The following CHSY3 variants were observed in gnomAD, a reference collection of about 807,000 sequenced individuals.
CHSY3 encodes chondroitin sulfate synthase 3.
Under a neutral mutation model 67.2 loss-of-function variants are expected in CHSY3, and 35 were observed. The observed-to-expected ratio is 0.52, with a 90% CI of 0.40 to 0.69. CHSY3 has a LOEUF of 0.69. Ranked by LOEUF, CHSY3 falls within the 30% of genes least tolerant of loss-of-function variation. The probability of loss-of-function intolerance (pLI) is 0.00; values close to 1 mark genes in which losing one functional copy is unlikely to be tolerated. For missense variants in CHSY3, 1,069 were observed against 1,138.5 expected, an observed-to-expected ratio of 0.94 and a Z score of 0.88; for synonymous variants, 474 against 434.7, an observed-to-expected ratio of 1.09 and a Z score of -1.12.
chr5:130,106,072 C>A (rs571849902), intron 2 of CHSY3, among the ~76,000 whole-genome samples: 4 of 151,624 alleles, frequency 2.6e-5, no homozygotes, highest in Admixed American at 6.6e-5. Context: ...CCTCCCCAAG[C>A]ACACAAGTTC....
intron 2 of CHSY3, among the ~76,000 whole-genome samples, chr5:130,106,046 C>G (rs1272663160): frequency 6.6e-6 from 1 of 151,450 alleles, no homozygotes; most frequent in Non-Finnish European, 1.5e-5. Context: ...ATATTTTACT[C>G]TAATATCTTA....
intron 2 of CHSY3, among the ~76,000 whole-genome samples, chr5:130,091,142 G>GCACA (rs751457425): frequency 2.1e-5 from 2 of 94,484 alleles, no homozygotes; most frequent in African/African-American, 4.6e-5. Flanking sequence ...ACACGCACAC[G>GCACA]CGCGCACACA....
At chr5:130,154,788 A>G (rs947608047) in intron 2 of CHSY3, among the ~76,000 whole-genome samples, 6 of 152,098 alleles carry the variant, frequency 3.9e-5, no homozygotes, top group Non-Finnish European at 7.3e-5. Flanking sequence ...TATTGTTAGG[A>G]GTGTGAGATA....
chr5:130,053,554 C>T (rs1376043944), intron 2 of CHSY3, among the ~76,000 whole-genome samples: 1 of 152,054 alleles, frequency 6.6e-6, no homozygotes, highest in African/African-American at 2.4e-5. Flanking sequence ...AATTGGGAGG[C>T]CAAGCTTATG....
chr5:130,043,909 C>T (rs913250966), intron 2 of CHSY3, among the ~76,000 whole-genome samples: 2 of 152,066 alleles, frequency 1.3e-5, no homozygotes, highest in African/African-American at 4.8e-5. Context: ...AACACCATTT[C>T]ACCATGCAAG....
intron 2 of CHSY3, among the ~76,000 whole-genome samples, chr5:129,962,518 C>G (rs540019839): frequency 5.3e-5 from 8 of 152,060 alleles, no homozygotes; most frequent in Non-Finnish European, 8.8e-5. Context: ...TAAATATGAC[C>G]TGTCACTGCC....
At chr5:130,071,340 A>T (rs938252689) in intron 2 of CHSY3, among the ~76,000 whole-genome samples, 5 of 152,122 alleles carry the variant, frequency 3.3e-5, no homozygotes, top group African/African-American at 1.2e-4. Context: ...TGAAGGTTTC[A>T]CATGCAAAAT....
At chr5:130,034,811 C>T (rs1181926478) in intron 2 of CHSY3, among the ~76,000 whole-genome samples, 1 of 151,970 alleles carries the variant, frequency 6.6e-6, no homozygotes, top group African/African-American at 2.4e-5. Context: ...TGAATAAAAA[C>T]CCAGTGGAGG....
chr5:130,014,210 T>C (rs548502226), intron 2 of CHSY3, among the ~76,000 whole-genome samples: 7 of 152,318 alleles, frequency 4.6e-5, no homozygotes, highest in Non-Finnish European at 8.8e-5. Flanking sequence ...TTTTTCTGTC[T>C]TCTTCTGAGC....
chr5:130,055,404 AATAAC>A (rs200389416), intron 2 of CHSY3, among the ~76,000 whole-genome samples: 8,474 of 152,178 alleles, frequency 0.056, 357 homozygotes, highest in Non-Finnish European at 0.082. Flanking sequence ...TACATCCATT[AATAAC>A]TAGTGTATAG....
intron 2 of CHSY3, among the ~76,000 whole-genome samples, chr5:130,084,560 A>G (rs1580717187): frequency 6.6e-6 from 1 of 151,952 alleles, no homozygotes; most frequent in Admixed American, 6.6e-5. Flanking sequence ...TTAGGGAGAC[A>G]TAAGACATCA....
chr5:129,978,969 C>T (rs143495393), intron 2 of CHSY3, among the ~76,000 whole-genome samples: 3,571 of 151,640 alleles, frequency 0.024, 129 homozygotes, highest in African/African-American at 0.079. Context: ...GAGGCCGAGG[C>T]GGGCAGATCA....
chr5:130,036,750 G>T (rs1764873248), intron 2 of CHSY3, among the ~76,000 whole-genome samples: 1 of 152,090 alleles, frequency 6.6e-6, no homozygotes, highest in Non-Finnish European at 1.5e-5. Context: ...AGTAAATGTG[G>T]TTTTACTTTG....
intron 2 of CHSY3, among the ~76,000 whole-genome samples, chr5:130,150,583 A>G (rs548412968): frequency 4.3e-4 from 66 of 152,266 alleles, no homozygotes; most frequent in Admixed American, 9.8e-4. Context: ...TACTATTGAT[A>G]AAAATTTTAT....
intron 2 of CHSY3, among the ~76,000 whole-genome samples, chr5:130,169,113 A>T (rs1471941171): frequency 6.6e-6 from 1 of 152,094 alleles, no homozygotes; most frequent in Non-Finnish European, 1.5e-5. Flanking sequence ...CATCTTTCTC[A>T]TGGTTTCCAT....
At chr5:130,047,709 A>G (rs553911264) in intron 2 of CHSY3, among the ~76,000 whole-genome samples, 2 of 152,230 alleles carry the variant, frequency 1.3e-5, no homozygotes, top group South Asian at 2.1e-4. Flanking sequence ...CAAGAATAAT[A>G]TCTAATTCCA....
intron 2 of CHSY3, among the ~76,000 whole-genome samples, chr5:130,009,544 C>T (rs1763986234): frequency 6.6e-6 from 1 of 151,812 alleles, no homozygotes; most frequent in African/African-American, 2.4e-5. Context: ...TAAAACCACT[C>T]ATTTAATTAC....
chr5:130,164,286 G>A (rs1006911437), intron 2 of CHSY3, among the ~76,000 whole-genome samples: 3 of 152,096 alleles, frequency 2.0e-5, no homozygotes, highest in African/African-American at 7.2e-5. Flanking sequence ...AAGAGGGGAA[G>A]AAACAACAGG....
chr5:130,048,826 T>C (rs913569534), intron 2 of CHSY3, among the ~76,000 whole-genome samples: 5 of 152,036 alleles, frequency 3.3e-5, no homozygotes, highest in African/African-American at 1.2e-4. Context: ...TACCAGAGGC[T>C]AGGGAGTTGA....
Sources: gnomAD v4.1 joint callset for allele counts (sites outside exome capture counted in the v4.1 genomes callset) on GRCh38, gnomAD v4.1.1 for gene constraint, MANE v1.5 for transcripts, NCBI Gene and HGNC (gene_info 2026-07-23, HGNC 2026-07-21) for gene names.